Variants in TTC39C observed in about 807,000 individuals in gnomAD.
TTC39C encodes tetratricopeptide repeat domain 39C, also known as tetratricopeptide repeat protein 39C.
TTC39C carries 33 observed loss-of-function variants against 76.3 expected under a neutral mutation model. The observed-to-expected ratio is 0.43, with a 90% CI of 0.33 to 0.58. The LOEUF (loss-of-function observed/expected upper bound fraction) is 0.58, where lower values mean the gene tolerates loss of function less well. TTC39C is among the 20% of genes least tolerant of loss of function. The pLI, the probability that TTC39C is intolerant of heterozygous loss-of-function variation, is 0.04. For missense variants in TTC39C, 595 were observed against 701.4 expected, an observed-to-expected ratio of 0.85 and a Z score of 1.71; for synonymous variants, 254 against 260.6, an observed-to-expected ratio of 0.97 and a Z score of 0.24.
chr18:24,034,045 G>T (rs568673275), intron 1 of TTC39C, among the ~76,000 whole-genome samples: 1 of 152,348 alleles, frequency 6.6e-6, no homozygotes, highest in South Asian at 2.1e-4. Flanking sequence ...AGGGACTGTG[G>T]ATGTGCAGCC....
At chr18:24,118,819 A>AT (rs927304286) in intron 8 of TTC39C, among the ~76,000 whole-genome samples, 4 of 151,564 alleles carry the variant, frequency 2.6e-5, no homozygotes, top group African/African-American at 9.7e-5. Flanking sequence ...CGCCCAGCCA[A>AT]TTTTTTAAAA....
At chr18:24,120,969 T>C (rs1331134298) in intron 8 of TTC39C, 1 of 152,244 alleles carries the variant, frequency 6.6e-6, no homozygotes, top group Non-Finnish European at 1.5e-5. Flanking sequence ...TCCAATCTTT[T>C]TGCTATTGTG....
At chr18:23,997,652 G>GAGAA (rs1176951123) in intron 1 of TTC39C, among the ~76,000 whole-genome samples, 5 of 44,404 alleles carry the variant, frequency 1.1e-4, no homozygotes, top group African/African-American at 3.7e-4. Context: ...AGGAAGGAAG[G>GAGAA]AGAAAGAAAG....
intron 1 of TTC39C, among the ~76,000 whole-genome samples, chr18:24,030,648 CTTTTTTTTTT>C (rs1167104790): frequency 2.2e-5 from 2 of 89,042 alleles, no homozygotes; most frequent in African/African-American, 4.1e-5. Flanking sequence ...AAAGATAGGC[CTTTTTTTTTT>C]TTTTTTTTTT....
upstream of TTC39C, among the ~76,000 whole-genome samples, chr18:24,010,102 AAG>A (rs1272344433): frequency 6.6e-6 from 1 of 152,270 alleles, no homozygotes; most frequent in Non-Finnish European, 1.5e-5. Context: ...TAATTGAACA[AAG>A]AACAATTGGA....
chr18:24,036,898 G>A (rs1035197272), intron 1 of TTC39C, among the ~76,000 whole-genome samples: 1 of 152,186 alleles, frequency 6.6e-6, no homozygotes, highest in African/African-American at 2.4e-5. Flanking sequence ...CTCCCAAAGT[G>A]CTGGGATTAC....
At chr18:24,127,261 A>G (rs1316367874) in intron 10 of TTC39C, among the ~76,000 whole-genome samples, 1 of 152,220 alleles carries the variant, frequency 6.6e-6, no homozygotes, top group Non-Finnish European at 1.5e-5. Flanking sequence ...ATACAGTACA[A>G]TGAAGATCTT....
Position 24,131,869 on chromosome 18 carries a change from G to A in TTC39C, c.1624-13G>A, listed in dbSNP as rs776299449. Reference sequence around the variant, plus strand: ...AAACACAGATTTTATGGGATAATGTGTTTTTCTTATAGACTGTAGGAAGAG... The same window carrying A: ...AAACACAGATTTTATGGGATAATGTATTTTTCTTATAGACTGTAGGAAGAG... On this transcript the variant is annotated splice_polypyrimidine_tract_variant and intron_variant, in intron 12 of 13. Transcript: ENST00000317571. 3.1e-5 allele frequency: 50 copies of A among 1,609,006 alleles called. No individual in the cohort carries two copies. The South Asian group carries it at 5.2e-4, about 17-fold the overall frequency.
At chr18:24,024,415 GAGA>G (rs557055423) in intron 1 of TTC39C, among the ~76,000 whole-genome samples, 37 of 152,242 alleles carry the variant, frequency 2.4e-4, no homozygotes, top group Admixed American at 1.5e-3. Context: ...TTGGATTTAG[GAGA>G]AGGTGAGAAG....
chr18:24,018,496 T>A lies in TTC39C; in HGVS notation c.167+3458T>A, dbSNP rs578172084. 7.2e-5 allele frequency among the ~76,000 whole-genome samples: 11 copies of A among 152,144 alleles called. No homozygotes were observed. The South Asian group carries it at 1.7e-3, about 23-fold the overall frequency. On this transcript the variant is annotated intron_variant, in intron 1 of 13. Transcript: ENST00000317571. The stretch of plus-strand genomic sequence containing the variant: ...GGCTGTGGGTTAGGTGCCAAAGACA[T>A]GTGCTAGATATTTCGGTGCTGCAAT...
At chr18:23,996,905 C>T (rs1234758095) in intron 1 of TTC39C, among the ~76,000 whole-genome samples, 6 of 151,042 alleles carry the variant, frequency 4.0e-5, no homozygotes, top group Middle Eastern at 3.5e-3. Flanking sequence ...GTCAGAAGAT[C>T]GAAACTATCC....
At chr18:24,125,140 C>G (rs919214128) in intron 9 of TTC39C, among the ~76,000 whole-genome samples, 12 of 152,230 alleles carry the variant, frequency 7.9e-5, no homozygotes, top group Non-Finnish European at 1.5e-4. Context: ...GATCTGCCTG[C>G]CTTGGCCTCC....
intron 1 of TTC39C, among the ~76,000 whole-genome samples, chr18:24,042,808 C>T (rs1040115980): frequency 2.8e-4 from 42 of 152,238 alleles, no homozygotes; most frequent in East Asian, 7.7e-4. Context: ...TGTATATTTA[C>T]GCAGTGTAAA....
intron 4 of TTC39C, among the ~76,000 whole-genome samples, chr18:24,078,279 A>G (rs1319219252): frequency 6.6e-6 from 1 of 152,216 alleles, no homozygotes; most frequent in African/African-American, 2.4e-5. Context: ...CATTTGTCAG[A>G]AAATTGATGC....
chr18:24,132,449 A>G (rs771832353), intron 13 of TTC39C, 36 bp from the exon 14 acceptor site: 1 of 1,591,242 alleles, frequency 6.3e-7, no homozygotes, highest in East Asian at 2.2e-5. Context: ...AAGCTTAGCT[A>G]ACAGAGTGCA....
chr18:24,020,604 A>G (rs1444050739), intron 1 of TTC39C, among the ~76,000 whole-genome samples: 1 of 152,202 alleles, frequency 6.6e-6, no homozygotes, highest in Non-Finnish European at 1.5e-5. Flanking sequence ...ACCTACACAC[A>G]TCCTCCCATA....
At chr18:24,131,843 T>TAA (rs1270386274) in intron 12 of TTC39C, 39 bp from the exon 13 acceptor site, 1 of 1,594,172 alleles carries the variant, frequency 6.3e-7, no homozygotes, top group Non-Finnish European at 8.6e-7. Context: ...TGCGTATATA[T>TAA]AAACACAGAT....
rs1212560698 is a variant in TTC39C, at chr18:24,045,892, AATATATATATATATATATAT to A, written c.168-18231_168-18212del. Among the ~76,000 whole-genome samples, 405 of 61,174 alleles carry A rather than the reference AATATATATATATATATATAT, an allele frequency of 6.6e-3. 17 individuals are homozygous for A. Among genetic ancestry groups the A allele is most frequent in the East Asian group, 0.048 (107 of 2,228 alleles). The allele number at this position is 61,174 out of a possible 152,430, so 40.1% of individuals were successfully genotyped here. A position where few individuals can be genotyped will look rare whatever the true frequency, so the allele number is the denominator to read the frequency against. On this transcript the variant is annotated intron_variant, in intron 1 of 13. Coordinates refer to ENST00000317571, the MANE Select transcript of TTC39C (RefSeq NM_001135993.2). ...ATTTTAGGGTACTTCCTTCTGTGAA[AATATATATATATATATATAT>A]ATATATATATATATATTTTTTTTTT...
chr18:24,063,280 C>G (rs2084121364), intron 1 of TTC39C, among the ~76,000 whole-genome samples: 1 of 152,136 alleles, frequency 6.6e-6, no homozygotes, highest in Non-Finnish European at 1.5e-5. Flanking sequence ...ATGGCTGACT[C>G]TTAGCGAGGC....
Sources: gnomAD v4.1 joint callset for allele counts (sites outside exome capture counted in the v4.1 genomes callset) on GRCh38, gnomAD v4.1.1 for gene constraint, MANE v1.5 for transcripts, NCBI Gene and HGNC (gene_info 2026-07-23, HGNC 2026-07-21) for gene names.